TTC39B: variants seen among roughly 807,000 people sequenced by gnomAD.
The protein encoded by TTC39B is tetratricopeptide repeat protein 39B.
Under a neutral mutation model 96.6 loss-of-function variants are expected in TTC39B, and 92 were observed. The observed-to-expected ratio is 0.95, with a 90% CI of 0.80 to 1.13. The LOEUF (loss-of-function observed/expected upper bound fraction) is 1.13. Ranked by LOEUF, TTC39B falls within the 50% of genes most tolerant of loss-of-function variation. The probability of loss-of-function intolerance (pLI) is 0.00; values close to 1 mark genes in which losing one functional copy is unlikely to be tolerated. For missense variants in TTC39B, 955 were observed against 809.3 expected (o/e 1.18, Z -2.18); for synonymous variants, 367 against 299.4 (o/e 1.23, Z -2.33).
intron 2 of TTC39B, among the ~76,000 whole-genome samples, chr9:15,241,424 A>G (rs1822034384): frequency 6.6e-6 from 1 of 152,206 alleles, no homozygotes; most frequent in Admixed American, 6.5e-5. Context: ...TTATCCATAA[A>G]CATTTAGGAA....
At chr9:15,164,921 A>T (rs1390006833) in exon 20 of TTC39B, 1 of 152,264 alleles carries the variant, frequency 6.6e-6, no homozygotes, top group East Asian at 1.9e-4. Flanking sequence ...TTTAACCAAC[A>T]GCCTAAGATT....
intron 1 of TTC39B, among the ~76,000 whole-genome samples, chr9:15,301,539 TTA>T (rs1466616294): frequency 6.6e-6 from 1 of 152,004 alleles, no homozygotes; most frequent in Non-Finnish European, 1.5e-5. Flanking sequence ...CGAATCACCT[TTA>T]GTCAGGAGTT....
chr9:15,303,246 T>A (rs1330472818), intron 1 of TTC39B, among the ~76,000 whole-genome samples: 1 of 152,204 alleles, frequency 6.6e-6, no homozygotes, highest in Admixed American at 6.5e-5. Context: ...ATATAATGCA[T>A]CAAATTATAT....
chr9:15,182,411 A>G, exon 17 of TTC39B: 1 of 1,605,198 alleles, frequency 6.2e-7, no homozygotes, highest in South Asian at 1.1e-5. Context: ...GACATACATC[A>G]TTTCCTAATG....
chr9:15,184,774 T>C (rs1818430455), intron 16 of TTC39B, among the ~76,000 whole-genome samples: 1 of 152,224 alleles, frequency 6.6e-6, no homozygotes, highest in African/African-American at 2.4e-5. Flanking sequence ...CTTGGTTCAA[T>C]ATGAAAGAAT....
chr9:15,212,302 G>A (rs1402248033), intron 4 of TTC39B, among the ~76,000 whole-genome samples: 2 of 149,998 alleles, frequency 1.3e-5, no homozygotes, highest in Admixed American at 6.6e-5. Flanking sequence ...AGAACCACAA[G>A]GAATCAGAGC....
At chr9:15,289,514 G>A (rs1213938521) in intron 1 of TTC39B, among the ~76,000 whole-genome samples, 2 of 152,350 alleles carry the variant, frequency 1.3e-5, no homozygotes, top group African/African-American at 4.8e-5. Flanking sequence ...AGCTCACAGA[G>A]AGGTTAAGTT....
intron 1 of TTC39B, among the ~76,000 whole-genome samples, chr9:15,292,542 A>C (rs1229293070): frequency 5.9e-5 from 9 of 152,162 alleles, no homozygotes; most frequent in Non-Finnish European, 1.0e-4. Flanking sequence ...AAAAAAGAAG[A>C]GTTAACTCTA....
intron 10 of TTC39B, among the ~76,000 whole-genome samples, chr9:15,190,942 A>T (rs1300208333): frequency 1.3e-5 from 2 of 152,176 alleles, no homozygotes; most frequent in African/African-American, 4.8e-5. Context: ...AGCAAGAAGC[A>T]ATATTAGCAA....
intron 7 of TTC39B, among the ~76,000 whole-genome samples, chr9:15,203,503 C>T (rs373235800): frequency 1.3e-4 from 20 of 151,576 alleles, no homozygotes; most frequent in East Asian, 1.9e-4. Context: ...TCAGGTGATC[C>T]GCCCACCTCA....
At chr9:15,173,492 T>C (rs1817767530) in intron 19 of TTC39B, among the ~76,000 whole-genome samples, 1 of 152,180 alleles carries the variant, frequency 6.6e-6, no homozygotes, top group Non-Finnish European at 1.5e-5. Flanking sequence ...GCCACTTTTC[T>C]GGTCTTAACT....
chr9:15,207,205 T>A (rs1298674322), intron 6 of TTC39B, among the ~76,000 whole-genome samples: 1 of 152,106 alleles, frequency 6.6e-6, no homozygotes, highest in Non-Finnish European at 1.5e-5. Context: ...AGTGTGAAAA[T>A]GGACTAATAC....
At position 15,175,018 on chromosome 9, in the gene TTC39B, C is replaced by A. The variant is rs962399871; in HGVS notation, c.1958+1G>T. ...AAGGAAAAGCTGCCTTCAACACTTA[C>A]CTTGCAGTTTCTAGGAACTTTATGG... On this transcript the variant is annotated splice_donor_variant, in intron 19 of 19. Coordinates refer to ENST00000512701, the Ensembl canonical transcript of TTC39B. LOFTEE classifies it high-confidence loss of function. 3.9e-5 allele frequency: 62 copies of A among 1,608,784 alleles called. No individual in the cohort carries two copies. Among genetic ancestry groups the A allele is most frequent in the Non-Finnish European group, 5.3e-5 (62 of 1,175,410 alleles).
intron 1 of TTC39B, 70 bp downstream of exon 1, chr9:15,307,014 C>A (rs956474892): frequency 1.3e-5 from 21 of 1,567,166 alleles, no homozygotes; most frequent in Non-Finnish European, 6.9e-6. Flanking sequence ...CCTAGCCGGG[C>A]TCACTCTTCT....
intron 3 of TTC39B, among the ~76,000 whole-genome samples, chr9:15,225,119 T>C (rs1169940795): frequency 1.3e-5 from 2 of 152,248 alleles, no homozygotes; most frequent in East Asian, 1.9e-4. Flanking sequence ...AATCTGTTAA[T>C]TCTAAAATGA....
intron 13 of TTC39B, among the ~76,000 whole-genome samples, chr9:15,189,263 T>C (rs1189369400): frequency 6.6e-6 from 1 of 152,170 alleles, no homozygotes; most frequent in Non-Finnish European, 1.5e-5. Context: ...CAGTGTGTAA[T>C]GCAGAAATTG....
At chr9:15,198,111 C>G (rs1175897936) in intron 8 of TTC39B, among the ~76,000 whole-genome samples, 1 of 152,018 alleles carries the variant, frequency 6.6e-6, no homozygotes, top group Non-Finnish European at 1.5e-5. Flanking sequence ...AAGAGAAAGT[C>G]TGACACCGCA....
chr9:15,307,186 TCTCGGCTCTGGGCTCAGCC>T lies in TTC39B; in HGVS notation c.119_137del (p.Gly40GlufsTer25), dbSNP rs1282947173. 2 of 1,581,360 alleles carry T rather than the reference TCTCGGCTCTGGGCTCAGCC, an allele frequency of 1.3e-6. No individual in the cohort carries two copies. Among genetic ancestry groups the T allele is most frequent in the Non-Finnish European group, 1.7e-6 (2 of 1,162,460 alleles). ...CAGGGAACTCAGAGCCGACTCCTGC[TCTCGGCTCTGGGCTCAGCC>T]CAGCGCAAAGGAGGGCAAAAGGGGA... On this transcript the variant is annotated frameshift_variant, in exon 1 of 20. Coordinates refer to ENST00000512701, the Ensembl canonical transcript of TTC39B. LOFTEE classifies it high-confidence loss of function.
intron 16 of TTC39B, 137 bp from the exon 17 acceptor site, chr9:15,182,552 C>CTT (rs1818304279): frequency 1.9e-6 from 1 of 527,316 alleles, no homozygotes; most frequent in South Asian, 3.4e-5. Context: ...TTTTCCTTTG[C>CTT]TTTTGCCTTT....
Sources: gnomAD v4.1 joint callset for allele counts (sites outside exome capture counted in the v4.1 genomes callset) on GRCh38, gnomAD v4.1.1 for gene constraint, MANE v1.5 for transcripts, NCBI Gene and HGNC (gene_info 2026-07-23, HGNC 2026-07-21) for gene names.